Variants in CFAP299 observed in about 807,000 individuals in gnomAD.
CFAP299 encodes cilia- and flagella-associated protein 299.
A neutral mutation model predicts 27.0 loss-of-function variants in CFAP299; 21 were observed. That is an observed-to-expected ratio of 0.78 (90% CI 0.55 to 1.12). The LOEUF is 1.12. Among genes scored for constraint, CFAP299 ranks in the 50% most tolerant of loss-of-function variants. The probability of loss-of-function intolerance (pLI) is 0.00; values close to 1 mark genes in which losing one functional copy is unlikely to be tolerated. For missense variants in CFAP299, 310 were observed against 276.6 expected (o/e 1.12, Z -0.86); for synonymous variants, 104 against 98.1 (o/e 1.06, Z -0.36).
At chr4:80,452,719 T>G (rs1025550114) in intron 2 of CFAP299, among the ~76,000 whole-genome samples, 2 of 152,198 alleles carry the variant, frequency 1.3e-5, no homozygotes, top group African/African-American at 2.4e-5. Context: ...ACTTGATTAC[T>G]TTGTTAAGCA....
At chr4:80,476,634 G>T (rs1243353130) in intron 2 of CFAP299, among the ~76,000 whole-genome samples, 1 of 152,032 alleles carries the variant, frequency 6.6e-6, no homozygotes, top group Non-Finnish European at 1.5e-5. Context: ...AACTCTGGGG[G>T]TCTAAATGGG....
At chr4:80,372,888 A>G (rs1724215461) in intron 2 of CFAP299, among the ~76,000 whole-genome samples, 1 of 152,200 alleles carries the variant, frequency 6.6e-6, no homozygotes, top group African/African-American at 2.4e-5. Flanking sequence ...TTTATTTCCT[A>G]ATTGAGGCAG....
At chr4:80,421,042 T>C (rs549175089) in intron 2 of CFAP299, among the ~76,000 whole-genome samples, 1 of 152,314 alleles carries the variant, frequency 6.6e-6, no homozygotes, top group South Asian at 2.1e-4. Context: ...GTTTGTTCTT[T>C]CCACCAAGAA....
chr4:80,562,903 T>C (rs947566676), intron 2 of CFAP299, among the ~76,000 whole-genome samples: 1 of 151,846 alleles, frequency 6.6e-6, no homozygotes, highest in Non-Finnish European at 1.5e-5. Flanking sequence ...ACTATACTTA[T>C]ATCAGACAAA....
chr4:80,844,481 G>C (rs1458955136), intron 3 of CFAP299, among the ~76,000 whole-genome samples: 1 of 152,160 alleles, frequency 6.6e-6, no homozygotes, highest in East Asian at 1.9e-4. Context: ...TTGTGGTTTT[G>C]ATTTGCATTT....
chr4:80,381,002 A>G (rs1019006259), intron 2 of CFAP299, among the ~76,000 whole-genome samples: 3 of 152,188 alleles, frequency 2.0e-5, no homozygotes, highest in African/African-American at 4.8e-5. Context: ...GATCTCTCCC[A>G]AATGACATTT....
chr4:80,497,726 C>G (rs985673673), intron 2 of CFAP299, among the ~76,000 whole-genome samples: 3 of 152,078 alleles, frequency 2.0e-5, no homozygotes, highest in African/African-American at 7.2e-5. Context: ...TTATGAACAA[C>G]ATTCAAAGTA....
intron 2 of CFAP299, among the ~76,000 whole-genome samples, chr4:80,441,685 G>C (rs186374637): frequency 2.0e-5 from 3 of 152,122 alleles, no homozygotes; most frequent in East Asian, 3.9e-4. Context: ...ATAATGACAG[G>C]GTTAAATTCA....
At chr4:80,598,987 A>G (rs1386025932) in intron 3 of CFAP299, among the ~76,000 whole-genome samples, 1 of 152,232 alleles carries the variant, frequency 6.6e-6, no homozygotes, top group East Asian at 1.9e-4. Context: ...AAAAGATGGT[A>G]TGCGGCATGC....
intron 2 of CFAP299, among the ~76,000 whole-genome samples, chr4:80,430,147 A>AT (rs1340976664): frequency 6.6e-6 from 1 of 152,030 alleles, no homozygotes; most frequent in African/African-American, 2.4e-5. Flanking sequence ...TATTTAATAT[A>AT]TTTTTTACTA....
intron 3 of CFAP299, among the ~76,000 whole-genome samples, chr4:80,610,321 C>T (rs546802452): frequency 1.3e-5 from 2 of 152,096 alleles, no homozygotes; most frequent in South Asian, 2.1e-4. Context: ...TCCAGTGTCC[C>T]CCAACCCCTA....
intron 3 of CFAP299, among the ~76,000 whole-genome samples, chr4:80,702,747 C>A (rs1231786021): frequency 6.6e-6 from 1 of 151,780 alleles, no homozygotes; most frequent in Non-Finnish European, 1.5e-5. Flanking sequence ...TTATATTAAG[C>A]ATTTCATTCT....
At chr4:80,560,066 C>A (rs1184250977) in intron 2 of CFAP299, among the ~76,000 whole-genome samples, 1 of 151,996 alleles carries the variant, frequency 6.6e-6, no homozygotes, top group African/African-American at 2.4e-5. Context: ...CCAAAAAAGA[C>A]CCCTTCCTTC....
At chr4:80,375,402 A>G (rs1724355178) in intron 2 of CFAP299, among the ~76,000 whole-genome samples, 1 of 152,096 alleles carries the variant, frequency 6.6e-6, no homozygotes, top group Admixed American at 6.6e-5. Context: ...AGCTTACCAC[A>G]TGTGAATCTT....
At chr4:80,733,957 A>T (rs553650570) in intron 3 of CFAP299, among the ~76,000 whole-genome samples, 1 of 152,112 alleles carries the variant, frequency 6.6e-6, no homozygotes, top group Non-Finnish European at 1.5e-5. Context: ...TGATGTACCA[A>T]TGTCCTTTCT....
chr4:80,775,616 GA>G (rs1011834765), intron 3 of CFAP299, among the ~76,000 whole-genome samples: 2 of 151,618 alleles, frequency 1.3e-5, no homozygotes, highest in African/African-American at 4.8e-5. Flanking sequence ...GAAATAACTT[GA>G]AAGTTTACTA....
intron 2 of CFAP299, among the ~76,000 whole-genome samples, chr4:80,504,673 A>G (rs920971392): frequency 9.5e-5 from 14 of 147,688 alleles, no homozygotes; most frequent in Admixed American, 2.7e-4. Context: ...CTCAGGTTTC[A>G]AGAATGGGGG....
chr4:80,529,453 C>T (rs555265222), intron 2 of CFAP299, among the ~76,000 whole-genome samples: 21 of 152,166 alleles, frequency 1.4e-4, no homozygotes, highest in East Asian at 3.9e-4. Context: ...TGCTATTGTA[C>T]GTATGTATTG....
chr4:80,863,248 C>G (rs1732494556), intron 3 of CFAP299, among the ~76,000 whole-genome samples: 1 of 149,374 alleles, frequency 6.7e-6, no homozygotes, highest in Non-Finnish European at 1.5e-5. Context: ...TCAATAAAGT[C>G]CCATTTCGAT....
Sources: allele counts gnomAD v4.1 joint callset (sites outside exome capture counted in the v4.1 genomes callset), GRCh38; gene constraint gnomAD v4.1.1; transcripts MANE v1.5; gene names NCBI Gene and HGNC (gene_info 2026-07-23, HGNC 2026-07-21).